DIPK2A: variants seen among roughly 807,000 people sequenced by gnomAD.
DIPK2A encodes divergent protein kinase domain 2A.
Under a neutral mutation model 39.0 loss-of-function variants are expected in DIPK2A, and 27 were observed. That is an observed-to-expected ratio of 0.69 (90% CI 0.51 to 0.96). DIPK2A has a LOEUF of 0.96. DIPK2A is among the 40% of genes least tolerant of loss of function. The probability of loss-of-function intolerance (pLI) is 0.00; values close to 1 mark genes in which losing one functional copy is unlikely to be tolerated. For missense variants in DIPK2A, 528 were observed against 571.3 expected (o/e 0.92, Z 0.77); for synonymous variants, 298 against 240.8 (o/e 1.24, Z -2.20).
chr3:143,972,365 C>T lies in DIPK2A; in HGVS notation c.33C>T (p.Arg11=). The part of the protein sequence containing the change: MWRLVPPKLG[R]LSRSLKLAAL... ...GCCTGGTGCCCCCGAAGCTGGGCCG[C>T]CTGTCCCGCTCGCTGAAGCTGGCGG... The change falls in exon 1 of 3, where the codon CGC becomes CGT. Residue 11 remains arginine (R), a synonymous_variant. Coordinates refer to ENST00000315691, the MANE Select transcript of DIPK2A (RefSeq NM_173552.5). The T allele has an allele frequency of 2.1e-6, 3 of 1,400,820 alleles. No homozygotes were observed. Among genetic ancestry groups the T allele is most frequent in the South Asian group, 3.2e-5 (2 of 63,054 alleles). The allele number at this position is 1,400,820 out of a possible 1,614,324, so 86.8% of individuals were successfully genotyped here.
intron 1 of DIPK2A, among the ~76,000 whole-genome samples, chr3:143,980,162 A>G (rs1396035621): frequency 6.6e-6 from 1 of 152,218 alleles, no homozygotes; most frequent in Non-Finnish European, 1.5e-5. Context: ...ACTAATCTTT[A>G]TGAACAGCTG....
chr3:143,972,833 G>C lies in DIPK2A; in HGVS notation c.501G>C (p.Leu167=). ...TPEAVEGWSD[L]VHCPSQRLLD... is the part of the protein sequence containing the mutation. ...AGGCGGTGGAGGGCTGGTCGGACCT[G>C]GTGCACTGCCCCTCGCAGCGCCTTC... Residue 167 remains leucine, a synonymous_variant, in exon 1 of 3, where the codon CTG becomes CTC. Transcript: ENST00000315691. 6.4e-7 allele frequency: 1 copy of C among 1,566,610 alleles called. No homozygotes were observed. Among genetic ancestry groups the C allele is most frequent in the Non-Finnish European group, 8.6e-7 (1 of 1,159,206 alleles).
intron 2 of DIPK2A, 115 bp from the exon 3 acceptor site, chr3:143,989,395 C>A (rs1173586695): frequency 3.0e-6 from 2 of 659,976 alleles, no homozygotes; most frequent in Non-Finnish European, 5.1e-6. Flanking sequence ...TTATAATATA[C>A]TTTTACCTAA....
At position 143,974,120 on chromosome 3, in the gene DIPK2A, GTT is replaced by G. The variant is rs60332605; in HGVS notation, c.657+1144_657+1145del. On this transcript the variant is annotated intron_variant, in intron 1 of 2. Transcript: ENST00000315691. ...TGTCACTGAGGGCTGGAGGTACAGG[GTT>G]TTTTTTTTTTTTATTTTTCTAAAAT... Among the ~76,000 whole-genome samples, 281 of 145,418 alleles carry G rather than the reference GTT, an allele frequency of 1.9e-3. 1 individual carries two copies. The highest frequency in any genetic ancestry group is 6.0e-3 in the African/African-American group (238 of 39,866).
At chr3:143,978,682 C>CTATATATAGATATATATATATCTA (rs2087783410) in intron 1 of DIPK2A, among the ~76,000 whole-genome samples, 10 of 56,180 alleles carry the variant, frequency 1.8e-4, no homozygotes, top group Non-Finnish European at 3.7e-4. Flanking sequence ...ATATATATAT[C>CTATATATAGATATATATATATCTA]TATATATATA....
chr3:143,989,756 C>T lies in DIPK2A; in HGVS notation c.1208C>T (p.Ala403Val). Residue 403 changes from alanine (A) to valine (V), a missense_variant, in exon 3 of 3, where the codon GCC (alanine) becomes GTC (valine). This residue lies in a region of DIPK2A where 219 missense variants were observed against 281.5 expected (regional missense o/e 0.78). Coordinates refer to ENST00000315691, the MANE Select transcript of DIPK2A (RefSeq NM_173552.5). Reference sequence around the variant, plus strand: ...CTCGAGGCCTTGCTGGATGAGTGTGCCAACCCAAAGAAGCGCTATGGCAGA... The same window carrying T: ...CTCGAGGCCTTGCTGGATGAGTGTGTCAACCCAAAGAAGCGCTATGGCAGA... Reference protein sequence around the residue: ...GRLEALLDECANPKKRYGRFQ... With the variant: ...GRLEALLDECVNPKKRYGRFQ... 6.2e-7 allele frequency: 1 copy of T among 1,614,192 alleles called. No individual in the cohort carries two copies. The highest frequency in any genetic ancestry group is 8.5e-7 in the Non-Finnish European group (1 of 1,180,042).
intron 1 of DIPK2A, among the ~76,000 whole-genome samples, chr3:143,979,024 G>C (rs2087790999): frequency 6.6e-6 from 1 of 152,002 alleles, no homozygotes; most frequent in Non-Finnish European, 1.5e-5. Flanking sequence ...CAGTTGTAAA[G>C]CTTTTTACAG....
intron 2 of DIPK2A, among the ~76,000 whole-genome samples, chr3:143,986,443 G>A (rs796242787): frequency 2.0e-5 from 3 of 152,124 alleles, no homozygotes; most frequent in Admixed American, 6.5e-5. Flanking sequence ...ATTAAATGCC[G>A]GCCGGGTGCG....
chr3:143,974,033 G>GA (rs1402251345), intron 1 of DIPK2A, among the ~76,000 whole-genome samples: 1 of 151,780 alleles, frequency 6.6e-6, no homozygotes, highest in Non-Finnish European at 1.5e-5. Context: ...CATGACAAGA[G>GA]AAAAAAATGA....
rs761788423 is a variant in DIPK2A, at chr3:143,985,551, G to A, written c.666G>A (p.Pro222=). The part of the protein sequence containing the change: ...NPEPLVLQSF[P]SDEGWPFAKY... ...AGATAATTCTTTTGTAGAGTTTTCC[G>A]TCTGATGAAGGTTGGCCATTTGCAA... is the stretch of plus-strand genomic sequence containing the variant. The change falls in exon 2 of 3, where the codon CCG becomes CCA. Residue 222 remains proline (P), a synonymous_variant. Transcript: ENST00000315691. The A allele has an allele frequency of 1.9e-5, 30 of 1,612,574 alleles. No individual in the cohort carries two copies. The highest frequency in any genetic ancestry group is 6.6e-5 in the South Asian group (6 of 91,026).
At chr3:143,975,050 C>T (rs1255005974) in intron 1 of DIPK2A, among the ~76,000 whole-genome samples, 1 of 152,018 alleles carries the variant, frequency 6.6e-6, no homozygotes, top group Non-Finnish European at 1.5e-5. Context: ...CAATTATTTT[C>T]TTATATATGA....
At chr3:143,984,429 C>T (rs2087869436) in intron 1 of DIPK2A, among the ~76,000 whole-genome samples, 1 of 151,958 alleles carries the variant, frequency 6.6e-6, no homozygotes, top group African/African-American at 2.4e-5. Flanking sequence ...TTCATTTGCA[C>T]ACTTAGAGGC....
intron 1 of DIPK2A, chr3:143,973,669 T>G: frequency 1.3e-6 from 1 of 799,416 alleles, no homozygotes; most frequent in South Asian, 1.6e-5. Flanking sequence ...CAGACAGACG[T>G]TTTCATCCTG....
At chr3:143,978,680 ATC>A (rs1316435317) in intron 1 of DIPK2A, among the ~76,000 whole-genome samples, 31 of 55,770 alleles carry the variant, frequency 5.6e-4, no homozygotes, top group African/African-American at 1.6e-3. Flanking sequence ...ATATATATAT[ATC>A]TATATATATA....
intron 2 of DIPK2A, among the ~76,000 whole-genome samples, chr3:143,989,103 A>T (rs1054768712): frequency 6.6e-6 from 1 of 152,228 alleles, no homozygotes; most frequent in Non-Finnish European, 1.5e-5. Flanking sequence ...TGAACCTAGA[A>T]TGCTATTTTT....
chr3:143,973,854 G>A (rs995094239), intron 1 of DIPK2A: 1 of 492,928 alleles, frequency 2.0e-6, no homozygotes, highest in Non-Finnish European at 3.7e-6. Flanking sequence ...AATCTTTACT[G>A]GTGACATCAA....
At chr3:143,975,259 T>C (rs1474921291) in intron 1 of DIPK2A, among the ~76,000 whole-genome samples, 1 of 152,146 alleles carries the variant, frequency 6.6e-6, no homozygotes, top group Non-Finnish European at 1.5e-5. Context: ...ACATACTGTG[T>C]AATATAATTT....
rs2087942639 is a variant in DIPK2A, at chr3:143,988,797, T to TA, written c.962-710dup. On this transcript the variant is annotated intron_variant, in intron 2 of 2. Transcript: ENST00000315691. ...ATACCTTGTCATCCAATTAGAACCT[T>TA]AAACTTTACCCATATACTTAATTAT... 2.0e-5 allele frequency among the ~76,000 whole-genome samples: 3 copies of TA among 152,224 alleles called. No homozygotes were observed. In the South Asian group the frequency reaches 6.2e-4, roughly 32 times the overall value.
rs373359208 is a variant in DIPK2A, at chr3:143,989,845, A to T, written c.*4A>T. 2 of 1,598,972 alleles carry T rather than the reference A, an allele frequency of 1.3e-6. No homozygotes were observed. The highest frequency in any genetic ancestry group is 1.7e-6 in the Non-Finnish European group (2 of 1,169,636). On this transcript the variant is annotated 3_prime_UTR_variant, in exon 3 of 3. Transcript: ENST00000315691. ...ATTAAGTAACAACGTGAGGTAGTCT[A>T]TGGTGAACTTTTCTTTTTTTCTCCA...
Sources: gnomAD v4.1 joint callset for allele counts (sites outside exome capture counted in the v4.1 genomes callset) on GRCh38, gnomAD v4.1.1 for gene constraint, gnomAD v4.1.1 regional missense constraint, MANE v1.5 for transcripts, NCBI Gene and HGNC (gene_info 2026-07-23, HGNC 2026-07-21) for gene names.